Variants in STEAP3 observed in about 807,000 individuals in gnomAD.
STEAP3 encodes the protein STEAP3 metalloreductase.
A neutral mutation model predicts 34.9 loss-of-function variants in STEAP3; 35 were observed. That is an observed-to-expected ratio of 1.00 (90% CI 0.76 to 1.33). The LOEUF is 1.33. Ranked by LOEUF, STEAP3 falls within the 40% of genes most tolerant of loss-of-function variation. The pLI, the probability that STEAP3 is intolerant of heterozygous loss-of-function variation, is 0.00. For synonymous variants in STEAP3, 281 were observed against 301.6 expected (o/e 0.93, Z 0.71); for missense variants, 652 against 667.6 (o/e 0.98, Z 0.26).
intron 2 of STEAP3, among the ~76,000 whole-genome samples, chr2:119,242,397 GC>G (rs1677273518): frequency 6.6e-6 from 1 of 152,116 alleles, no homozygotes; most frequent in South Asian, 2.1e-4. Flanking sequence ...GGGAGACTTG[GC>G]CCTCCCGACC....
Position 119,264,963 on chromosome 2 carries a change from T to C in STEAP3, c.*1625T>C, listed in dbSNP as rs1157841950. On this transcript the variant is annotated 3_prime_UTR_variant, in exon 6 of 6. Coordinates refer to ENST00000393110, the MANE Select transcript of STEAP3 (RefSeq NM_182915.3). ...GGGGAAGCTCTTCCTGCAGGTATTT[T>C]CCATCTGCTGTGCCAAGGCTGAGCG... The C allele has an allele frequency of 6.6e-6, 1 of 152,238 alleles. No homozygotes were observed. The highest frequency in any genetic ancestry group is 1.5e-5 in the Non-Finnish European group (1 of 68,064). 9.4% of individuals were successfully genotyped at this position (152,238 alleles called of 1,614,324 possible).
At chr2:119,261,433 C>T (rs1473449041) in intron 5 of STEAP3, among the ~76,000 whole-genome samples, 2 of 151,942 alleles carry the variant, frequency 1.3e-5, no homozygotes, top group Non-Finnish European at 2.9e-5. Flanking sequence ...TATTTCCATC[C>T]CTGTGTAATA....
intron 2 of STEAP3, among the ~76,000 whole-genome samples, chr2:119,239,080 A>T (rs1387936512): frequency 6.6e-6 from 1 of 152,158 alleles, no homozygotes; most frequent in Non-Finnish European, 1.5e-5. Context: ...GCCCTTGGCT[A>T]CTTCATGCCC....
chr2:119,238,274 G>T (rs905205335), intron 2 of STEAP3, among the ~76,000 whole-genome samples: 2 of 152,200 alleles, frequency 1.3e-5, no homozygotes, highest in African/African-American at 4.8e-5. Flanking sequence ...CAGCAGTGTA[G>T]GAGGGTTCTG....
At chr2:119,224,174 C>A (rs1449672485) in intron 1 of STEAP3, among the ~76,000 whole-genome samples, 1 of 152,168 alleles carries the variant, frequency 6.6e-6, no homozygotes, top group East Asian at 1.9e-4. Context: ...GGCTCCGGAG[C>A]CCCGGGTGCA....
At chr2:119,241,725 G>A (rs1459017208) in intron 2 of STEAP3, among the ~76,000 whole-genome samples, 1 of 152,192 alleles carries the variant, frequency 6.6e-6, no homozygotes, top group Non-Finnish European at 1.5e-5. Flanking sequence ...TCAGCTCCCT[G>A]GAAGGGAGCA....
chr2:119,247,561 C>A, intron 3 of STEAP3, 118 bp from the exon 4 acceptor site: 1 of 1,192,202 alleles, frequency 8.4e-7, no homozygotes, highest in Non-Finnish European at 1.1e-6. Flanking sequence ...CATTGACTGG[C>A]AGCTCACTTG....
At position 119,263,086 on chromosome 2, in the gene STEAP3, G is replaced by A. The variant is rs1384508917; in HGVS notation, c.1245G>A (p.Leu415=). ...QSSLGFVALV[L]STLHTLTYGW... is the part of the protein sequence containing the mutation. ...CACTGGGCTTTGTGGCCCTCGTGCT[G>A]AGCACACTGCACACGCTCACCTACG... The change falls in exon 6 of 6, where the codon CTG becomes CTA. Residue 415 remains leucine (L), a synonymous_variant. Coordinates refer to ENST00000393110, the MANE Select transcript of STEAP3 (RefSeq NM_182915.3). 1.2e-6 allele frequency: 2 copies of A among 1,609,338 alleles called. No homozygotes were observed. Among genetic ancestry groups the A allele is most frequent in the Non-Finnish European group, 1.7e-6 (2 of 1,179,992 alleles).
At chr2:119,233,151 A>G (rs1239942127) in intron 2 of STEAP3, among the ~76,000 whole-genome samples, 1 of 152,112 alleles carries the variant, frequency 6.6e-6, no homozygotes. Context: ...ACTGGGCAGA[A>G]CCCTCCAAAT....
chr2:119,260,496 A>G (rs1045171314), intron 5 of STEAP3, among the ~76,000 whole-genome samples: 8 of 152,004 alleles, frequency 5.3e-5, no homozygotes, highest in Non-Finnish European at 8.8e-5. Flanking sequence ...GGGTTTATCC[A>G]TGTCGGTCAG....
chr2:119,257,968 A>C (rs1356937192), intron 5 of STEAP3, among the ~76,000 whole-genome samples: 1 of 152,182 alleles, frequency 6.6e-6, no homozygotes. Context: ...AAAGCAAAGG[A>C]ATAAAAGAAT....
intron 4 of STEAP3, chr2:119,248,411 C>G: frequency 1.6e-6 from 1 of 622,988 alleles, no homozygotes; most frequent in Admixed American, 3.1e-5. Flanking sequence ...AAAATTCCTG[C>G]CCCCATGGGT....
At chr2:119,224,722 G>GATTCTGGAAATGCCCCCAGGGAGGT (rs1247740835) in intron 1 of STEAP3, among the ~76,000 whole-genome samples, 7 of 152,194 alleles carry the variant, frequency 4.6e-5, no homozygotes, top group Non-Finnish European at 1.0e-4. Context: ...CAGAAGTGGG[G>GATTCTGGAAATGCCCCCAGGGAGGT]ATTCTGGAAA....
chr2:119,242,533 C>T (rs377377945), intron 2 of STEAP3, among the ~76,000 whole-genome samples: 1 of 152,200 alleles, frequency 6.6e-6, no homozygotes, highest in Non-Finnish European at 1.5e-5. Context: ...CCTCCTTCCC[C>T]GGGGCTGAAG....
In STEAP3 at chr2:119,230,990, C is replaced by A; in HGVS notation, c.-23C>A. ...GTGAGGCTGTCGAGTGACCTGAGAGCCTCAGACCCTCACGTCAGCCGGATG... is the reference window on the plus strand; with the variant it reads ...GTGAGGCTGTCGAGTGACCTGAGAGACTCAGACCCTCACGTCAGCCGGATG... On this transcript the variant is annotated 5_prime_UTR_variant, in exon 2 of 6. Coordinates refer to ENST00000393110, the MANE Select transcript of STEAP3 (RefSeq NM_182915.3). The A allele has an allele frequency of 6.2e-7, 1 of 1,614,112 alleles. No individual in the cohort carries two copies. The highest frequency in any genetic ancestry group is 8.5e-7 in the Non-Finnish European group (1 of 1,179,934).
chr2:119,247,687 C>T lies in STEAP3; in HGVS notation c.531C>T (p.Ile177=). 1.3e-6 allele frequency: 2 copies of T among 1,534,608 alleles called. No individual in the cohort carries two copies. The highest frequency in any genetic ancestry group is 1.7e-6 in the Non-Finnish European group (2 of 1,144,804). Residue 177 remains isoleucine, a synonymous_variant, in exon 4 of 6, where the codon ATC becomes ATT. Coordinates refer to ENST00000393110, the MANE Select transcript of STEAP3 (RefSeq NM_182915.3). The part of the protein sequence containing the change: ...GPRDGNRQVP[I]CGDQPEAKRA... ...CCACTTTTCTCCCGCAGGTGCCCAT[C>T]TGCGGTGACCAGCCAGAAGCCAAGC... is the stretch of plus-strand genomic sequence containing the variant.
chr2:119,245,353 CA>C, intron 2 of STEAP3, 135 bp from the exon 3 acceptor site: 1 of 1,290,942 alleles, frequency 7.7e-7, no homozygotes. Flanking sequence ...CTGGTGCTGA[CA>C]CGTGGTAGCA....
intron 1 of STEAP3, among the ~76,000 whole-genome samples, chr2:119,224,155 CG>C (rs1358320478): frequency 6.6e-6 from 1 of 152,178 alleles, no homozygotes; most frequent in Non-Finnish European, 1.5e-5. Context: ...GCGACAGTGG[CG>C]GGGAGCAGGC....
At chr2:119,237,603 T>C (rs1051888456) in intron 2 of STEAP3, among the ~76,000 whole-genome samples, 2 of 152,174 alleles carry the variant, frequency 1.3e-5, no homozygotes, top group East Asian at 3.8e-4. Flanking sequence ...AACATTGGTG[T>C]TACAAAATCC....
Sources: gnomAD v4.1 joint callset for allele counts (sites outside exome capture counted in the v4.1 genomes callset) on GRCh38, gnomAD v4.1.1 for gene constraint, MANE v1.5 for transcripts, NCBI Gene and HGNC (gene_info 2026-07-23, HGNC 2026-07-21) for gene names.